CCDC60: variants seen among roughly 807,000 people sequenced by gnomAD.
The protein encoded by CCDC60 is coiled-coil domain-containing protein 60.
CCDC60 carries 54 observed loss-of-function variants against 63.5 expected under a neutral mutation model. That is an observed-to-expected ratio of 0.85 (90% CI 0.68 to 1.07). CCDC60 has a LOEUF of 1.07. Among genes scored for constraint, CCDC60 ranks in the 50% least tolerant of loss-of-function variants. The pLI is 0.00. For synonymous variants in CCDC60, 206 were observed against 238.8 expected (o/e 0.86, Z 1.27); for missense variants, 651 against 684.3 (o/e 0.95, Z 0.54).
At chr12:119,473,053 C>T (rs1255918962) in intron 3 of CCDC60, among the ~76,000 whole-genome samples, 1 of 152,178 alleles carries the variant, frequency 6.6e-6, no homozygotes, top group Non-Finnish European at 1.5e-5. Context: ...TCAAAACATT[C>T]CTGAGATAGG....
At chr12:119,435,473 G>A (rs568291597) in intron 2 of CCDC60, among the ~76,000 whole-genome samples, 1 of 152,248 alleles carries the variant, frequency 6.6e-6, no homozygotes, top group South Asian at 2.1e-4. Context: ...ATCGATGACT[G>A]GTCTATGGCT....
intron 7 of CCDC60, among the ~76,000 whole-genome samples, chr12:119,515,596 T>G (rs1411230939): frequency 6.6e-6 from 1 of 152,234 alleles, no homozygotes; most frequent in African/African-American, 2.4e-5. Flanking sequence ...CCCAAAGTGC[T>G]GAGATTATAG....
chr12:119,375,305 T>C (rs572463784), intron 1 of CCDC60, among the ~76,000 whole-genome samples: 41 of 152,208 alleles, frequency 2.7e-4, no homozygotes, highest in Non-Finnish European at 5.6e-4. Context: ...TAATTTGCAA[T>C]GTTTGTTTGC....
intron 1 of CCDC60, among the ~76,000 whole-genome samples, chr12:119,338,932 G>C (rs750106995): frequency 6.6e-6 from 1 of 152,194 alleles, no homozygotes; most frequent in Admixed American, 6.5e-5. Context: ...TTCTCACAGG[G>C]TTGGACATTG....
chr12:119,519,053 C>T (rs952680893), intron 8 of CCDC60, among the ~76,000 whole-genome samples: 23 of 152,206 alleles, frequency 1.5e-4, no homozygotes, highest in Non-Finnish European at 2.5e-4. Context: ...AAAGCTTCAA[C>T]GCAGAGCTAC....
rs148026416 is a variant in CCDC60, at chr12:119,440,455, G to A, written c.170+11693G>A. Among the ~76,000 whole-genome samples the A allele has an allele frequency of 9.1e-3, 1,383 of 152,236 alleles. 21 individuals are homozygous for A. The highest frequency in any genetic ancestry group is 0.031 in the African/African-American group (1,293 of 41,536). On this transcript the variant is annotated intron_variant, in intron 2 of 13. Transcript: ENST00000327554. ...TGAGGCAGGAGAATGGCGTTAACCCGGGAAGTGGAGCTTGCAGTGAGCTGA... is the reference window on the plus strand; with the variant it reads ...TGAGGCAGGAGAATGGCGTTAACCCAGGAAGTGGAGCTTGCAGTGAGCTGA...
intron 1 of CCDC60, among the ~76,000 whole-genome samples, chr12:119,367,518 G>A (rs1955852712): frequency 6.6e-6 from 1 of 152,146 alleles, no homozygotes; most frequent in Non-Finnish European, 1.5e-5. Flanking sequence ...CTATTTTAGT[G>A]TTTGTGTGCC....
At chr12:119,406,345 T>C (rs1956491691) in intron 1 of CCDC60, among the ~76,000 whole-genome samples, 7 of 152,160 alleles carry the variant, frequency 4.6e-5, no homozygotes, top group Admixed American at 4.6e-4. Context: ...TCAAGATCAA[T>C]AGCATTCACA....
chr12:119,443,548 C>T (rs937123268), intron 2 of CCDC60, among the ~76,000 whole-genome samples: 2 of 152,110 alleles, frequency 1.3e-5, no homozygotes, highest in Non-Finnish European at 2.9e-5. Flanking sequence ...CAACCCGCAA[C>T]CTACAAGAGT....
chr12:119,355,581 G>A (rs932000948), intron 1 of CCDC60, among the ~76,000 whole-genome samples: 2 of 152,210 alleles, frequency 1.3e-5, no homozygotes, highest in South Asian at 4.1e-4. Context: ...AGGGTTCTTG[G>A]CTTTGCCCAG....
At chr12:119,401,424 T>C (rs1956389779) in intron 1 of CCDC60, among the ~76,000 whole-genome samples, 1 of 152,244 alleles carries the variant, frequency 6.6e-6, no homozygotes, top group Non-Finnish European at 1.5e-5. Flanking sequence ...TCAAATCCTG[T>C]ACTCAAGGCT....
Position 119,487,087 on chromosome 12 carries a change from C to G in CCDC60, c.450-1672C>G, listed in dbSNP as rs140995902. 8.3e-4 allele frequency among the ~76,000 whole-genome samples: 127 copies of G among 152,222 alleles called. 1 individual carries two copies. Among genetic ancestry groups the G allele is most frequent in the African/African-American group, 2.9e-3 (122 of 41,552 alleles). ...AGGTTAACCCTCTCCTGACCTCGCT[C>G]TTGGGGTGACCACTGCATCAGCTTC... On this transcript the variant is annotated intron_variant, in intron 4 of 13. Coordinates refer to ENST00000327554, the MANE Select transcript of CCDC60 (RefSeq NM_178499.5).
At chr12:119,444,156 AGTTTGTT>A (rs1950497237) in intron 2 of CCDC60, among the ~76,000 whole-genome samples, 1 of 152,188 alleles carries the variant, frequency 6.6e-6, no homozygotes, top group Non-Finnish European at 1.5e-5. Context: ...AAGGTTCTAT[AGTTTGTT>A]GTTTGCCTTG....
intron 11 of CCDC60, among the ~76,000 whole-genome samples, chr12:119,525,428 A>G (rs1216050397): frequency 6.6e-6 from 1 of 152,222 alleles, no homozygotes; most frequent in Admixed American, 6.5e-5. Context: ...AGGGATCCCC[A>G]TGTGGCTAAC....
At chr12:119,465,033 C>T (rs532044536) in intron 2 of CCDC60, among the ~76,000 whole-genome samples, 4 of 152,322 alleles carry the variant, frequency 2.6e-5, no homozygotes, top group African/African-American at 7.2e-5. Context: ...ATCTCTGGGC[C>T]AGGCGCGGTG....
intron 1 of CCDC60, among the ~76,000 whole-genome samples, chr12:119,344,188 T>G (rs1303651374): frequency 6.6e-6 from 1 of 152,106 alleles, no homozygotes; most frequent in African/African-American, 2.4e-5. Context: ...CTCTCCCTAT[T>G]AGATGACAGT....
At chr12:119,347,050 C>T (rs944748935) in intron 1 of CCDC60, among the ~76,000 whole-genome samples, 1 of 151,884 alleles carries the variant, frequency 6.6e-6, no homozygotes, top group Non-Finnish European at 1.5e-5. Context: ...GTCTCAAACT[C>T]CTGACCTCGT....
intron 1 of CCDC60, among the ~76,000 whole-genome samples, chr12:119,340,061 C>G (rs1441348593): frequency 6.6e-6 from 1 of 152,176 alleles, no homozygotes; most frequent in African/African-American, 2.4e-5. Context: ...ATCCAAGAAG[C>G]CTTCCATTTC....
intron 1 of CCDC60, among the ~76,000 whole-genome samples, chr12:119,356,401 A>T (rs1955719590): frequency 6.6e-6 from 1 of 152,166 alleles, no homozygotes; most frequent in Non-Finnish European, 1.5e-5. Context: ...ATATTCATTC[A>T]TTCACTCATA....
Sources: allele counts gnomAD v4.1 joint callset (sites outside exome capture counted in the v4.1 genomes callset), GRCh38; gene constraint gnomAD v4.1.1; transcripts MANE v1.5; gene names NCBI Gene and HGNC (gene_info 2026-07-23, HGNC 2026-07-21).